The following RNF216 variants were observed in gnomAD, a reference collection of about 807,000 sequenced individuals.
RNF216 encodes the protein ring finger protein 216, also known as E3 ubiquitin-protein ligase RNF216.
A neutral mutation model predicts 110.8 loss-of-function variants in RNF216; 72 were observed. The ratio of observed to expected loss-of-function variants is 0.65; its 90% CI spans 0.54 to 0.79. RNF216 has a LOEUF of 0.79. RNF216 is among the 30% of genes least tolerant of loss of function. RNF216 has a pLI of 0.00. For missense variants in RNF216, 1,342 were observed against 1,141.2 expected (o/e 1.18, Z -2.54); for synonymous variants, 495 against 407.5 (o/e 1.21, Z -2.59).
chr7:5,644,677 A>C (rs1329291598), intron 14 of RNF216, among the ~76,000 whole-genome samples: 1 of 151,436 alleles, frequency 6.6e-6, no homozygotes, highest in Non-Finnish European at 1.5e-5. Flanking sequence ...GTTAATTTTT[A>C]AATTTTTTGT....
intron 1 of RNF216, among the ~76,000 whole-genome samples, chr7:5,765,701 G>A (rs147368023): frequency 2.0e-5 from 3 of 151,446 alleles, no homozygotes; most frequent in South Asian, 2.1e-4. Flanking sequence ...CCAGTACTTC[G>A]GGCGGCTGAG....
rs1214755886 is a variant in RNF216, at chr7:5,711,847, C to A, written c.1983-8G>T. 1 of 1,611,832 alleles carries A rather than the reference C, an allele frequency of 6.2e-7. No homozygotes were observed. The highest frequency in any genetic ancestry group is 8.5e-7 in the Non-Finnish European group (1 of 1,178,324). On this transcript the variant is annotated splice_polypyrimidine_tract_variant and splice_region_variant and intron_variant, in intron 12 of 16. Transcript: ENST00000389902. ...AAGCTACAGGACGGGCACCTAGAGTCAGAACAGCAGAACTGACATTACTTC... is the reference window on the plus strand; with the variant it reads ...AAGCTACAGGACGGGCACCTAGAGTAAGAACAGCAGAACTGACATTACTTC...
intron 13 of RNF216, among the ~76,000 whole-genome samples, chr7:5,669,034 T>C (rs1789723231): frequency 6.6e-6 from 1 of 152,170 alleles, no homozygotes; most frequent in African/African-American, 2.4e-5. Flanking sequence ...GTGGACCTAA[T>C]ATTATAAAGA....
At chr7:5,690,166 A>G (rs1175119000) in intron 13 of RNF216, among the ~76,000 whole-genome samples, 1 of 151,012 alleles carries the variant, frequency 6.6e-6, no homozygotes, top group Non-Finnish European at 1.5e-5. Flanking sequence ...TCTCTACTAA[A>G]AATACAAAAA....
chr7:5,673,835 G>C (rs1389991714), intron 13 of RNF216, among the ~76,000 whole-genome samples: 1 of 149,562 alleles, frequency 6.7e-6, no homozygotes, highest in African/African-American at 2.5e-5. Context: ...AAGATAGAGA[G>C]ACCTCCATCT....
intron 13 of RNF216, among the ~76,000 whole-genome samples, chr7:5,707,182 C>T (rs917588809): frequency 1.1e-4 from 16 of 152,194 alleles, no homozygotes; most frequent in Non-Finnish European, 2.4e-4. Flanking sequence ...GTTTTGAAGT[C>T]AGGAAGTGTG....
intron 1 of RNF216, among the ~76,000 whole-genome samples, chr7:5,778,879 G>C (rs1460781389): frequency 6.6e-6 from 1 of 152,204 alleles, no homozygotes; most frequent in South Asian, 2.1e-4. Context: ...CAGTAGCTGG[G>C]ATTACAGGCG....
At chr7:5,781,315 C>A (rs1345211929) in intron 1 of RNF216, among the ~76,000 whole-genome samples, 1 of 152,096 alleles carries the variant, frequency 6.6e-6, no homozygotes, top group Non-Finnish European at 1.5e-5. Context: ...GGCCGCTCAG[C>A]GCCTTTGTCG....
At chr7:5,723,745 G>C (rs4720638) in intron 8 of RNF216, among the ~76,000 whole-genome samples, 24,359 of 152,084 alleles carry the variant, frequency 0.16, 3,020 homozygotes, top group East Asian at 0.7. Context: ...AGGGAGAACC[G>C]TGTCTCACTC....
rs560485267 is a variant in RNF216, at chr7:5,778,977, T to C, written c.-70+2564A>G. On this transcript the variant is annotated intron_variant, in intron 1 of 16. Coordinates refer to ENST00000389902, the MANE Select transcript of RNF216 (RefSeq NM_207111.4). The stretch of plus-strand genomic sequence containing the variant: ...CAGGCTGGTCTCGAACTCCTGACCT[T>C]AGGTGATCTGCCCGCCTCGGCCTCC... Among the ~76,000 whole-genome samples the C allele has an allele frequency of 3.3e-5, 5 of 152,266 alleles. No homozygotes were observed. The East Asian group carries it at 9.6e-4, about 29-fold the overall frequency.
At chr7:5,646,924 G>A (rs1788083822) in intron 14 of RNF216, among the ~76,000 whole-genome samples, 1 of 152,166 alleles carries the variant, frequency 6.6e-6, no homozygotes, top group Non-Finnish European at 1.5e-5. Flanking sequence ...AGCTCAGTGT[G>A]AGGTGAAAGC....
At chr7:5,751,799 A>G (rs1331736383) in intron 3 of RNF216, among the ~76,000 whole-genome samples, 1 of 143,408 alleles carries the variant, frequency 7.0e-6, no homozygotes, top group Non-Finnish European at 1.5e-5. Context: ...TCCTAGAACC[A>G]CAATAAAGCC....
At chr7:5,690,327 C>CAAAA (rs200036930) in intron 13 of RNF216, among the ~76,000 whole-genome samples, 2,440 of 100,270 alleles carry the variant, frequency 0.024, 35 homozygotes, top group Non-Finnish European at 0.042. Flanking sequence ...AATTCCATCT[C>CAAAA]AAAAAAAAAA....
intron 4 of RNF216, chr7:5,739,757 T>A (rs187620705): frequency 2.6e-6 from 1 of 391,760 alleles, no homozygotes; most frequent in Non-Finnish European, 5.1e-6. Flanking sequence ...TCGAAGCACT[T>A]TGGGAGGTCG....
Position 5,686,342 on chromosome 7 carries a change from T to C in RNF216, c.2061+25419A>G, listed in dbSNP as rs576336329. On this transcript the variant is annotated intron_variant, in intron 13 of 16. Coordinates refer to ENST00000389902, the MANE Select transcript of RNF216 (RefSeq NM_207111.4). ...ACCTCTGTCAAAGAGCCCTTACCTG[T>C]TGCGGCCTCATTTGCTTCTCACAAC... 2.0e-3 allele frequency among the ~76,000 whole-genome samples: 311 copies of C among 152,200 alleles called. 1 individual carries two copies. Among genetic ancestry groups the C allele is most frequent in the South Asian group, 3.5e-3 (17 of 4,818 alleles).
At chr7:5,636,320 C>T (rs1787394329) in intron 15 of RNF216, among the ~76,000 whole-genome samples, 1 of 152,148 alleles carries the variant, frequency 6.6e-6, no homozygotes, top group Non-Finnish European at 1.5e-5. Flanking sequence ...AAGAAGACAC[C>T]TTCTTTATAA....
chr7:5,620,453 A>T lies in RNF216; in HGVS notation c.*2407T>A, dbSNP rs534069990. ...AAGACCCCCAGTGCTTCTCTCCCCA[A>T]TGCTGTCACTGGTCCAGGCAGGAGC... On this transcript the variant is annotated 3_prime_UTR_variant, in exon 17 of 17. Transcript: ENST00000389902. 1.5e-4 allele frequency: 23 copies of T among 152,334 alleles called. No homozygotes were observed. The highest frequency in any genetic ancestry group is 5.5e-4 in the African/African-American group (23 of 41,534). 9.4% of individuals were successfully genotyped at this position (152,334 alleles called of 1,614,324 possible).
chr7:5,780,178 T>A (rs1240224341), intron 1 of RNF216: 1 of 152,198 alleles, frequency 6.6e-6, no homozygotes, highest in African/African-American at 2.4e-5. Context: ...GTTTTTAGCA[T>A]TCCTGGCAAT....
intron 14 of RNF216, among the ~76,000 whole-genome samples, chr7:5,642,342 T>C (rs1241466312): frequency 6.6e-6 from 1 of 151,896 alleles, no homozygotes; most frequent in Non-Finnish European, 1.5e-5. Flanking sequence ...GTCTCCCAAG[T>C]AGCTGGGATT....
Sources: gnomAD v4.1 joint callset for allele counts (sites outside exome capture counted in the v4.1 genomes callset) on GRCh38, gnomAD v4.1.1 for gene constraint, MANE v1.5 for transcripts, NCBI Gene and HGNC (gene_info 2026-07-23, HGNC 2026-07-21) for gene names.